KANSL1L: variants seen among roughly 807,000 people sequenced by gnomAD.
The protein encoded by KANSL1L is KAT8 regulatory NSL complex subunit 1-like protein.
A neutral mutation model predicts 108.6 loss-of-function variants in KANSL1L; 25 were observed. The observed-to-expected ratio is 0.23, with a 90% CI of 0.17 to 0.32. The LOEUF (loss-of-function observed/expected upper bound fraction) is 0.32. Ranked by LOEUF, KANSL1L falls within the 10% of genes least tolerant of loss-of-function variation. The pLI, the probability that KANSL1L is intolerant of heterozygous loss-of-function variation, is 1.00. For missense variants in KANSL1L, 1,137 were observed against 1,125.7 expected, an observed-to-expected ratio of 1.01 and a Z score of -0.14; for synonymous variants, 405 against 395.1, an observed-to-expected ratio of 1.03 and a Z score of -0.30.
intron 10 of KANSL1L, 195 bp from the exon 11 acceptor site, chr2:210,029,164 C>T (rs2093979919): frequency 1.9e-6 from 1 of 513,136 alleles, no homozygotes; most frequent in African/African-American, 2.0e-5. Context: ...TCAGAACAAT[C>T]TCTTGGTAGA....
intron 1 of KANSL1L, among the ~76,000 whole-genome samples, chr2:210,160,982 C>A (rs1162963567): frequency 4.7e-5 from 7 of 149,806 alleles, no homozygotes; most frequent in Non-Finnish European, 1.0e-4. Flanking sequence ...GCACATACGG[C>A]CAATTTTTTT....
intron 2 of KANSL1L, chr2:210,151,510 T>C (rs1437706139): frequency 7.2e-5 from 11 of 152,228 alleles, no homozygotes; most frequent in Admixed American, 5.2e-4. Flanking sequence ...TTCTTGTAGC[T>C]CTAAGTATCA....
intron 1 of KANSL1L, chr2:210,170,691 T>C (rs1312008493): frequency 6.6e-6 from 1 of 152,268 alleles, no homozygotes; most frequent in East Asian, 1.9e-4. Flanking sequence ...TCAAATCCAG[T>C]GGGCTCCGCC....
Position 210,147,538 on chromosome 2 carries a change from T to C in KANSL1L, c.1088+5957A>G, listed in dbSNP as rs76632576. 5.1e-3 allele frequency among the ~76,000 whole-genome samples: 783 copies of C among 152,352 alleles called. 13 individuals carry two copies. Among genetic ancestry groups the C allele is most frequent in the African/African-American group, 0.017 (724 of 41,592 alleles). Reference sequence around the variant, plus strand: ...ATTACACTTTTGAATTTCTGCCCTTTACTTCCATTCCACTTCTCCCACAGA... The same window carrying C: ...ATTACACTTTTGAATTTCTGCCCTTCACTTCCATTCCACTTCTCCCACAGA... On this transcript the variant is annotated intron_variant, in intron 2 of 14. Transcript: ENST00000281772.
At chr2:210,105,742 T>TC in intron 3 of KANSL1L, among the ~76,000 whole-genome samples, 1 of 152,110 alleles carries the variant, frequency 6.6e-6, no homozygotes, top group African/African-American at 2.4e-5. Flanking sequence ...AATGCGCTTT[T>TC]TAAAAAAATC....
intron 4 of KANSL1L, among the ~76,000 whole-genome samples, chr2:210,102,475 TTAAAC>T (rs752981387): frequency 2.7e-4 from 41 of 152,184 alleles, no homozygotes; most frequent in Admixed American, 5.9e-4. Context: ...TGGGATCTAA[TTAAAC>T]TAAAGAGCTT....
chr2:210,153,944 A>C lies in KANSL1L; in HGVS notation c.639T>G (p.Ala213=). 1 of 1,613,536 alleles carries C rather than the reference A, an allele frequency of 6.2e-7. No individual in the cohort carries two copies. Among genetic ancestry groups the C allele is most frequent in the Non-Finnish European group, 8.5e-7 (1 of 1,179,982 alleles). The change falls in exon 2 of 15, where the codon GCT becomes GCG. Residue 213 remains alanine (A), a synonymous_variant. Coordinates refer to ENST00000281772, the MANE Select transcript of KANSL1L (RefSeq NM_152519.4). ...CATGTACTTCCTCCTCTTTTTCAGC[A>C]GCTGAAGAACTAACAGGCACATTTG... is the stretch of plus-strand genomic sequence containing the variant. ...GHSNVPVSSS[A]AEKEEEVHAR... is the part of the protein sequence containing the mutation.
chr2:210,042,120 T>C (rs2094171049), intron 7 of KANSL1L, among the ~76,000 whole-genome samples: 2 of 152,214 alleles, frequency 1.3e-5, no homozygotes, highest in South Asian at 4.1e-4. Flanking sequence ...TGGGAAAACA[T>C]GATCTAACAA....
chr2:210,110,492 A>G (rs2094893111), intron 3 of KANSL1L, among the ~76,000 whole-genome samples: 1 of 152,244 alleles, frequency 6.6e-6, no homozygotes. Context: ...ATTAGAAATT[A>G]TCAATAAAAA....
In KANSL1L at chr2:210,061,938, T is replaced by C. The variant is rs568657173; in HGVS notation, c.1755+13614A>G. ...ACATTTAAGAGAAAACTACCAAATTTGTATTTATATTCATTTAAATAGTGC... is the reference window on the plus strand; with the variant it reads ...ACATTTAAGAGAAAACTACCAAATTCGTATTTATATTCATTTAAATAGTGC... On this transcript the variant is annotated intron_variant, in intron 6 of 14. Transcript: ENST00000281772. Among the ~76,000 whole-genome samples the C allele has an allele frequency of 3.9e-5, 6 of 152,344 alleles. No homozygotes were observed. In the South Asian group the frequency reaches 1.0e-3, roughly 26 times the overall value.
intron 5 of KANSL1L, among the ~76,000 whole-genome samples, chr2:210,092,929 T>G (rs1313735357): frequency 2.8e-5 from 4 of 141,446 alleles, no homozygotes; most frequent in African/African-American, 1.1e-4. Context: ...AGGTTTTTTG[T>G]TTTTTTTTTT....
chr2:210,040,350 G>T (rs1317349829), intron 8 of KANSL1L, 70 bp downstream of exon 8: 2 of 752,082 alleles, frequency 2.7e-6, no homozygotes, highest in Non-Finnish European at 4.6e-6. Context: ...ATTTTTCTTA[G>T]AATGCAAAAA....
At chr2:210,043,789 C>A (rs2094194156) in intron 7 of KANSL1L, 150 bp downstream of exon 7, 2 of 476,650 alleles carry the variant, frequency 4.2e-6, no homozygotes, top group Admixed American at 3.9e-5. Context: ...AATTCCTCTA[C>A]AACAAATTTA....
At chr2:210,115,549 G>C (rs562658339) in intron 3 of KANSL1L, among the ~76,000 whole-genome samples, 3 of 152,016 alleles carry the variant, frequency 2.0e-5, no homozygotes, top group Admixed American at 6.6e-5. Flanking sequence ...CCACTGAGAC[G>C]CCAAAACTCT....
At chr2:210,024,960 T>C in intron 13 of KANSL1L, 144 bp downstream of exon 13, 1 of 597,028 alleles carries the variant, frequency 1.7e-6, no homozygotes, top group East Asian at 2.7e-5. Context: ...AAGCTCATTC[T>C]ATGTAGTATT....
chr2:210,144,179 T>A (rs1294863057), intron 2 of KANSL1L, among the ~76,000 whole-genome samples: 1 of 152,198 alleles, frequency 6.6e-6, no homozygotes, highest in Non-Finnish European at 1.5e-5. Flanking sequence ...AGTTTCTGCT[T>A]AGAAATGTGC....
chr2:210,158,349 GC>G (rs1301538729), intron 1 of KANSL1L, among the ~76,000 whole-genome samples: 3 of 152,044 alleles, frequency 2.0e-5, no homozygotes, highest in Non-Finnish European at 4.4e-5. Context: ...AGAATCTGAG[GC>G]CTGCTAACAG....
At chr2:210,056,686 G>GAA (rs2094355048) in intron 6 of KANSL1L, among the ~76,000 whole-genome samples, 2 of 152,034 alleles carry the variant, frequency 1.3e-5, no homozygotes, top group East Asian at 3.9e-4. Flanking sequence ...TCACCATGTT[G>GAA]GCCAGGCTGC....
intron 1 of KANSL1L, chr2:210,170,396 A>G (rs1688264041): frequency 1.0e-6 from 1 of 985,368 alleles, no homozygotes; most frequent in African/African-American, 1.7e-5. Flanking sequence ...AAACATTACA[A>G]GAACGTCCAT....
Sources: gnomAD v4.1 joint callset for allele counts (sites outside exome capture counted in the v4.1 genomes callset) on GRCh38, gnomAD v4.1.1 for gene constraint, MANE v1.5 for transcripts, NCBI Gene and HGNC (gene_info 2026-07-23, HGNC 2026-07-21) for gene names.